UGT3A1: variants seen among roughly 807,000 people sequenced by gnomAD.
The protein encoded by UGT3A1 is UDP-glycosyltransferase 3A1.
UGT3A1 carries 40 observed loss-of-function variants against 37.6 expected under a neutral mutation model. The ratio of observed to expected loss-of-function variants is 1.06; its 90% CI spans 0.83 to 1.38. The LOEUF is 1.38. Ranked by LOEUF, UGT3A1 falls within the 40% of genes most tolerant of loss-of-function variation. UGT3A1 has a pLI of 0.00. For synonymous variants in UGT3A1, 256 were observed against 232.3 expected (o/e 1.10, Z -0.93); for missense variants, 642 against 634.2 (o/e 1.01, Z -0.13).
chr5:35,955,998 G>A (rs1464586896), intron 5 of UGT3A1, 134 bp from the exon 6 acceptor site: 4 of 904,888 alleles, frequency 4.4e-6, no homozygotes, highest in Non-Finnish European at 6.7e-6. Context: ...ATTTTGCTTG[G>A]GACACACAAG....
intron 6 of UGT3A1, 80 bp from the exon 7 acceptor site, chr5:35,954,558 A>G: frequency 4.0e-6 from 6 of 1,508,384 alleles, no homozygotes; most frequent in Non-Finnish European, 5.4e-6. Context: ...GAGCACACAC[A>G]CAAGCATACA....
intron 2 of UGT3A1, among the ~76,000 whole-genome samples, chr5:35,972,520 TG>T (rs1740087367): frequency 6.6e-6 from 1 of 151,716 alleles, no homozygotes; most frequent in Non-Finnish European, 1.5e-5. Context: ...TGTGTGTGTG[TG>T]TGTGTGTGTG....
intron 2 of UGT3A1, among the ~76,000 whole-genome samples, chr5:35,968,463 A>G (rs956347127): frequency 6.6e-6 from 1 of 152,192 alleles, no homozygotes; most frequent in Non-Finnish European, 1.5e-5. Flanking sequence ...TCTCCTTTGC[A>G]CACATAATGA....
intron 2 of UGT3A1, among the ~76,000 whole-genome samples, chr5:35,975,608 T>C (rs1451169347): frequency 6.6e-6 from 1 of 152,206 alleles, no homozygotes; most frequent in Non-Finnish European, 1.5e-5. Flanking sequence ...GAATTTGTCG[T>C]CTTACCATGT....
At chr5:35,991,083 G>C in intron 1 of UGT3A1, 64 bp downstream of exon 1, 1 of 1,613,990 alleles carries the variant, frequency 6.2e-7, no homozygotes, top group African/African-American at 1.3e-5. Flanking sequence ...GCCGTTCGCT[G>C]GAGCCCTGGC....
intron 4 of UGT3A1, among the ~76,000 whole-genome samples, chr5:35,960,447 G>A (rs894914982): frequency 6.6e-6 from 1 of 152,186 alleles, no homozygotes; most frequent in African/African-American, 2.4e-5. Flanking sequence ...CACAGGGTAT[G>A]TGACAAGGGT....
intron 2 of UGT3A1, among the ~76,000 whole-genome samples, chr5:35,976,145 T>C (rs1232555638): frequency 6.6e-6 from 1 of 152,168 alleles, no homozygotes; most frequent in Non-Finnish European, 1.5e-5. Context: ...GACACAAAAA[T>C]AATTCTATTA....
rs199675330 is a variant in UGT3A1 at position 35,954,384 on chromosome 5, G to C, written c.1390C>G (p.Gln464Glu). 6.2e-7 allele frequency: 1 copy of C among 1,614,230 alleles called. No individual in the cohort carries two copies. Among genetic ancestry groups the C allele is most frequent in the Non-Finnish European group, 8.5e-7 (1 of 1,180,038 alleles). The change falls in exon 7 of 7, where the codon CAG becomes GAG. Residue 464 changes from glutamine (Q) to glutamate (E), a missense_variant. Gln to Glu is a conservative substitution (Grantham distance 29). Coordinates refer to ENST00000274278, the MANE Select transcript of UGT3A1 (RefSeq NM_152404.4). ...RLVGWIDHIL[Q>E]TGGATHLKPY... is the part of the protein sequence containing the mutation. ...TTGAGGTGCGTCGCTCCCCCAGTCT[G>C]GAGGATGTGGTCGATCCAGCCCACC... is the stretch of plus-strand genomic sequence containing the variant.
Position 35,957,230 on chromosome 5 carries a change from T to G in UGT3A1, c.1033A>C (p.Asn345His), listed in dbSNP as rs1739390382. 3.7e-6 allele frequency: 6 copies of G among 1,614,042 alleles called. No homozygotes were observed. The highest frequency in any genetic ancestry group is 5.1e-6 in the Non-Finnish European group (6 of 1,180,026). ...GGAAGCCAGTCCACAATTTTCACAT[T>G]TGTGGCCAAATGAACATCTCTGGGC... ...HWPRDVHLAT[N>H]VKIVDWLPQS... Residue 345 changes from asparagine (N) to histidine (H), a missense_variant, in exon 5 of 7, where the codon AAT becomes CAT. Asn to His is a moderately conservative substitution (Grantham distance 68). Coordinates refer to ENST00000274278, the MANE Select transcript of UGT3A1 (RefSeq NM_152404.4).
rs535345035 is a variant in UGT3A1, at chr5:35,971,957, T to C, written c.197-3824A>G. On this transcript the variant is annotated intron_variant, in intron 2 of 6. Coordinates refer to ENST00000274278, the MANE Select transcript of UGT3A1 (RefSeq NM_152404.4). ...CCCACCATGTAAGTGTGAGGTTTCCTGCTGCGGGAGGAAAGCAAGGAGACC... is the reference window on the plus strand; with the variant it reads ...CCCACCATGTAAGTGTGAGGTTTCCCGCTGCGGGAGGAAAGCAAGGAGACC... 5.3e-5 allele frequency among the ~76,000 whole-genome samples: 8 copies of C among 152,278 alleles called. No individual in the cohort carries two copies. In the South Asian group the frequency reaches 1.2e-3, roughly 24 times the overall value.
upstream of UGT3A1, among the ~76,000 whole-genome samples, chr5:35,996,037 AAGG>A (rs1171164589): frequency 2.4e-4 from 36 of 151,894 alleles, no homozygotes; most frequent in East Asian, 5.8e-3. Context: ...AAAAAAAAAA[AAGG>A]AGAAATAGAA....
At position 35,957,341 on chromosome 5, in the gene UGT3A1, G is replaced by C. The variant is rs1190707099; in HGVS notation, c.922C>G (p.Gln308Glu). 1 of 1,614,182 alleles carries C rather than the reference G, an allele frequency of 6.2e-7. No homozygotes were observed. The highest frequency in any genetic ancestry group is 1.1e-5 in the South Asian group (1 of 91,074). ...ATCTTCTTGAGGACTTCCTGGGACTGATGGGTGTTCAACATGGAGCCAAAG... is the reference window on the plus strand; with the variant it reads ...ATCTTCTTGAGGACTTCCTGGGACTCATGGGTGTTCAACATGGAGCCAAAG... ...VAFGSMLNTH[Q>E]SQEVLKKMHN... The change falls in exon 5 of 7, where the codon CAG (glutamine) becomes GAG (glutamate). Residue 308 changes from glutamine (Q) to glutamate (E), a missense_variant. Gln to Glu is a conservative substitution (Grantham distance 29). Coordinates refer to ENST00000274278, the MANE Select transcript of UGT3A1 (RefSeq NM_152404.4).
intron 2 of UGT3A1, among the ~76,000 whole-genome samples, chr5:35,971,463 TACACACACACACAC>T (rs76860183): frequency 2.0e-5 from 3 of 147,788 alleles, no homozygotes; most frequent in African/African-American, 7.5e-5. Context: ...GACACACGCA[TACACACACACACAC>T]ACACACACAC....
chr5:35,985,906 CA>C (rs1408547831), intron 2 of UGT3A1, among the ~76,000 whole-genome samples: 1 of 152,030 alleles, frequency 6.6e-6, no homozygotes, highest in Non-Finnish European at 1.5e-5. Context: ...AAACAGTCAA[CA>C]AAATGAAAAG....
At chr5:35,995,859 G>A (rs1561476834), upstream of UGT3A1, among the ~76,000 whole-genome samples, 1 of 152,038 alleles carries the variant, frequency 6.6e-6, no homozygotes, top group Non-Finnish European at 1.5e-5. Context: ...GATGTCAGTT[G>A]ATTGCTTTGA....
intron 4 of UGT3A1, among the ~76,000 whole-genome samples, chr5:35,964,355 C>A (rs945688730): frequency 1.3e-5 from 2 of 152,094 alleles, no homozygotes; most frequent in African/African-American, 4.8e-5. Flanking sequence ...CCCAGAGAAC[C>A]CAGTGCTATG....
At chr5:35,964,598 C>A (rs1400507411) in intron 4 of UGT3A1, among the ~76,000 whole-genome samples, 1 of 152,174 alleles carries the variant, frequency 6.6e-6, no homozygotes, top group Non-Finnish European at 1.5e-5. Flanking sequence ...CTGCACTACA[C>A]AGTGGTGGGA....
rs766499085 is a variant in UGT3A1, at chr5:35,965,412, C to T, written c.817G>A (p.Glu273Lys). 2 of 1,613,986 alleles carry T rather than the reference C, an allele frequency of 1.2e-6. No homozygotes were observed. The highest frequency in any genetic ancestry group is 3.3e-5 in the Admixed American group (2 of 59,990). ...PNTVYIGGLM[E>K]KPIKPVPQDL... Reference sequence around the variant, plus strand: ...TGTGGTACTGGTTTAATAGGTTTTTCCATCAAGCCTCCAATATAAACAGTG... The same window carrying T: ...TGTGGTACTGGTTTAATAGGTTTTTTCATCAAGCCTCCAATATAAACAGTG... The change falls in exon 4 of 7, where the codon GAA (glutamate) becomes AAA (lysine). Residue 273 changes from glutamate (E) to lysine (K), a missense_variant. Physicochemically the swap from Glu to Lys is moderately conservative, Grantham distance 56 (BLOSUM62 1). Coordinates refer to ENST00000274278, the MANE Select transcript of UGT3A1 (RefSeq NM_152404.4).
intron 4 of UGT3A1, among the ~76,000 whole-genome samples, chr5:35,959,441 G>GA (rs1345548744): frequency 1.3e-5 from 2 of 151,918 alleles, no homozygotes; most frequent in Non-Finnish European, 2.9e-5. Context: ...GAAAACATGG[G>GA]AAAAAAACTA....
Sources: allele counts gnomAD v4.1 joint callset (sites outside exome capture counted in the v4.1 genomes callset), GRCh38; gene constraint gnomAD v4.1.1; transcripts MANE v1.5; gene names NCBI Gene and HGNC (gene_info 2026-07-23, HGNC 2026-07-21).